GCH1: variants seen among roughly 807,000 people sequenced by gnomAD.
The protein encoded by GCH1 is GTP cyclohydrolase 1.
A neutral mutation model predicts 25.9 loss-of-function variants in GCH1; 5 were observed. The ratio of observed to expected loss-of-function variants is 0.19; its 90% CI spans 0.10 to 0.41. The LOEUF (loss-of-function observed/expected upper bound fraction) is 0.41, where lower values mean the gene tolerates loss of function less well. Ranked by LOEUF, GCH1 falls within the 10% of genes least tolerant of loss-of-function variation. GCH1 has a pLI of 1.00. For missense variants in GCH1, 261 were observed against 336.5 expected (o/e 0.78, Z 1.75); for synonymous variants, 159 against 129.6 (o/e 1.23, Z -1.54).
intron 1 of GCH1, among the ~76,000 whole-genome samples, chr14:54,896,728 C>A (rs375002906): frequency 9.3e-5 from 14 of 150,944 alleles, no homozygotes; most frequent in Non-Finnish European, 1.8e-4. Context: ...CTGGCTAACA[C>A]GGTGAAACCC....
chr14:54,866,148 C>T (rs2039986454), intron 1 of GCH1, among the ~76,000 whole-genome samples: 2 of 151,496 alleles, frequency 1.3e-5, no homozygotes, highest in African/African-American at 4.9e-5. Context: ...TTAAAAATTG[C>T]ACTGACTTAT....
intron 1 of GCH1, among the ~76,000 whole-genome samples, chr14:54,897,525 G>C (rs2040505373): frequency 6.6e-6 from 1 of 151,904 alleles, no homozygotes; most frequent in South Asian, 2.1e-4. Flanking sequence ...CCAACCTCAG[G>C]TGATCCACCC....
chr14:54,895,542 C>T (rs929137892), intron 1 of GCH1, among the ~76,000 whole-genome samples: 1 of 152,108 alleles, frequency 6.6e-6, no homozygotes, highest in Non-Finnish European at 1.5e-5. Context: ...GTTACAGGGG[C>T]ATGAAGATCA....
At chr14:54,874,258 T>C (rs938712262) in intron 1 of GCH1, among the ~76,000 whole-genome samples, 17 of 152,364 alleles carry the variant, frequency 1.1e-4, no homozygotes, top group South Asian at 2.1e-4. Context: ...ATTATCTCAA[T>C]AGTTACAGAA....
Position 54,871,697 on chromosome 14 carries a change from A to C in GCH1, c.344-6261T>G, listed in dbSNP as rs1447125908. On this transcript the variant is annotated intron_variant, in intron 1 of 5. Coordinates refer to ENST00000491895, the MANE Select transcript of GCH1 (RefSeq NM_000161.3). ...ACCATGGCACGAGAACTACGTGATG[A>C]ATGCACAAGCCTCAGTAGCTGATTC... 5.3e-5 allele frequency among the ~76,000 whole-genome samples: 8 copies of C among 152,238 alleles called. No individual in the cohort carries two copies. In the East Asian group the frequency reaches 1.5e-3, roughly 29 times the overall value.
intron 3 of GCH1, among the ~76,000 whole-genome samples, chr14:54,855,559 A>G (rs987573474): frequency 6.7e-6 from 1 of 148,580 alleles, no homozygotes; most frequent in Non-Finnish European, 1.5e-5. Flanking sequence ...TCATGCCTGT[A>G]ATCCCAGCAT....
At chr14:54,874,890 C>A (rs187674618) in intron 1 of GCH1, among the ~76,000 whole-genome samples, 2 of 152,206 alleles carry the variant, frequency 1.3e-5, no homozygotes, top group East Asian at 3.9e-4. Flanking sequence ...TGGGAAGAAT[C>A]AATATCGCGA....
At chr14:54,846,604 G>A (rs1041016915) in intron 4 of GCH1, among the ~76,000 whole-genome samples, 1 of 152,178 alleles carries the variant, frequency 6.6e-6, no homozygotes, top group African/African-American at 2.4e-5. Context: ...ATTTGAAAAT[G>A]CAGGTATATG....
chr14:54,893,062 G>A (rs926044198), intron 1 of GCH1, among the ~76,000 whole-genome samples: 1 of 152,244 alleles, frequency 6.6e-6, no homozygotes, highest in African/African-American at 2.4e-5. Flanking sequence ...CTGGGTGACA[G>A]AGCAAGACTC....
chr14:54,846,887 C>A (rs2039650458), intron 4 of GCH1, among the ~76,000 whole-genome samples: 1 of 152,006 alleles, frequency 6.6e-6, no homozygotes, highest in South Asian at 2.1e-4. Context: ...ATGGTGAAAC[C>A]CCGTCTCTAC....
At chr14:54,897,163 C>T (rs1206736298) in intron 1 of GCH1, among the ~76,000 whole-genome samples, 1 of 151,086 alleles carries the variant, frequency 6.6e-6, no homozygotes, top group African/African-American at 2.4e-5. Flanking sequence ...GCACGCACCA[C>T]CACACCCAGC....
chr14:54,887,367 T>C (rs1248533546), intron 1 of GCH1, among the ~76,000 whole-genome samples: 1 of 152,230 alleles, frequency 6.6e-6, no homozygotes, highest in South Asian at 2.1e-4. Flanking sequence ...GTGAGGTCTT[T>C]AGACCTGACT....
At chr14:54,886,325 G>A (rs1266873797) in intron 1 of GCH1, 1 of 152,608 alleles carries the variant, frequency 6.6e-6, no homozygotes, top group African/African-American at 2.4e-5. Context: ...GTCAAAACCA[G>A]TTATAGGCCG....
At chr14:54,851,406 A>G (rs944389263) in intron 3 of GCH1, among the ~76,000 whole-genome samples, 2 of 152,244 alleles carry the variant, frequency 1.3e-5, no homozygotes, top group African/African-American at 4.8e-5. Context: ...TCTGCACAGC[A>G]AAAGAAACTA....
chr14:54,868,380 C>G (rs1211275663), intron 1 of GCH1, among the ~76,000 whole-genome samples: 1 of 151,864 alleles, frequency 6.6e-6, no homozygotes, highest in African/African-American at 2.4e-5. Context: ...TTGCACCACT[C>G]CACTCCAAAT....
In GCH1 at chr14:54,902,649, A is replaced by C; in HGVS notation, c.15T>G (p.Pro5=). Residue 5 remains proline, a synonymous_variant, in exon 1 of 6, where the codon CCT becomes CCG. Transcript: ENST00000491895. ...GCGGCTTCTCCGCCGGTGCCCGCAC[A>C]GGGCCCTTCTCCATGGACCCGCCGC... The part of the protein sequence containing the change: MEKG[P]VRAPAEKPRG... 1 of 1,479,712 alleles carries C rather than the reference A, an allele frequency of 6.8e-7. No individual in the cohort carries two copies. The highest frequency in any genetic ancestry group is 2.8e-5 in the East Asian group (1 of 35,096). 91.7% of individuals were successfully genotyped at this position (1,479,712 alleles called of 1,614,324 possible).
At chr14:54,847,072 C>T (rs758868223) in intron 4 of GCH1, 27 bp downstream of exon 4, 15 of 844,044 alleles carry the variant, frequency 1.8e-5, no homozygotes, top group South Asian at 1.0e-4. Flanking sequence ...AAAATGTTTT[C>T]TGTTAATACA....
chr14:54,871,151 T>A (rs4402455), intron 1 of GCH1, among the ~76,000 whole-genome samples: 1 of 152,010 alleles, frequency 6.6e-6, no homozygotes, highest in Non-Finnish European at 1.5e-5. Context: ...GAGACAAAAC[T>A]TCCAGAGGAA....
chr14:54,891,937 G>A (rs142749573), intron 1 of GCH1, among the ~76,000 whole-genome samples: 1 of 152,168 alleles, frequency 6.6e-6, no homozygotes, highest in African/African-American at 2.4e-5. Flanking sequence ...TAAACCACAA[G>A]AGTAGTGACG....
Sources: gnomAD v4.1 joint callset for allele counts (sites outside exome capture counted in the v4.1 genomes callset) on GRCh38, gnomAD v4.1.1 for gene constraint, MANE v1.5 for transcripts, NCBI Gene and HGNC (gene_info 2026-07-23, HGNC 2026-07-21) for gene names.